The following CNTNAP5 variants were observed in gnomAD, a reference collection of about 807,000 sequenced individuals.
CNTNAP5 encodes contactin associated protein family member 5.
CNTNAP5 carries 72 observed loss-of-function variants against 150.2 expected under a neutral mutation model. That is an observed-to-expected ratio of 0.48 (90% CI 0.40 to 0.58). The LOEUF (loss-of-function observed/expected upper bound fraction) is 0.58, where lower values mean the gene tolerates loss of function less well. Ranked by LOEUF, CNTNAP5 falls within the 20% of genes least tolerant of loss-of-function variation. The pLI, the probability that CNTNAP5 is intolerant of heterozygous loss-of-function variation, is 0.00. For synonymous variants in CNTNAP5, 672 were observed against 619.8 expected (o/e 1.08, Z -1.25); for missense variants, 1,636 against 1,626.2 (o/e 1.01, Z -0.10).
chr2:124,547,424 C>T (rs897881700), intron 10 of CNTNAP5, among the ~76,000 whole-genome samples: 18 of 152,098 alleles, frequency 1.2e-4, no homozygotes, highest in Non-Finnish European at 1.9e-4. Context: ...AATTCTTTCC[C>T]GGGATAGAAC....
chr2:124,622,711 C>A (rs1054185636), intron 12 of CNTNAP5, among the ~76,000 whole-genome samples: 3 of 151,940 alleles, frequency 2.0e-5, no homozygotes, highest in African/African-American at 7.3e-5. Context: ...CTTTCAAAAC[C>A]CACACACACT....
At chr2:124,312,840 G>A (rs888773566) in intron 3 of CNTNAP5, among the ~76,000 whole-genome samples, 8 of 152,210 alleles carry the variant, frequency 5.3e-5, no homozygotes, top group Non-Finnish European at 8.8e-5. Context: ...AAAGTGCTGG[G>A]ATTACAGGCG....
intron 3 of CNTNAP5, among the ~76,000 whole-genome samples, chr2:124,256,306 A>G (rs1687313117): frequency 6.6e-6 from 1 of 152,192 alleles, no homozygotes; most frequent in Non-Finnish European, 1.5e-5. Flanking sequence ...GTACCTTTGA[A>G]GTATGTGTGA....
At chr2:124,100,998 T>A (rs1363540092) in intron 1 of CNTNAP5, among the ~76,000 whole-genome samples, 1 of 151,934 alleles carries the variant, frequency 6.6e-6, no homozygotes, top group Non-Finnish European at 1.5e-5. Context: ...GAAAAAAGGA[T>A]CAGCTTTGGG....
chr2:124,747,466 T>C, intron 14 of CNTNAP5, 81 bp downstream of exon 14: 2 of 1,517,738 alleles, frequency 1.3e-6, no homozygotes, highest in South Asian at 1.1e-5. Flanking sequence ...CAGAAGGACA[T>C]GGATGAGAAA....
At chr2:124,278,148 C>T (rs1687929855) in intron 3 of CNTNAP5, among the ~76,000 whole-genome samples, 2 of 152,214 alleles carry the variant, frequency 1.3e-5, no homozygotes, top group South Asian at 4.2e-4. Context: ...GGATAATAAG[C>T]TCATTGGAGT....
intron 13 of CNTNAP5, among the ~76,000 whole-genome samples, chr2:124,707,322 T>C (rs1036503105): frequency 1.3e-5 from 2 of 152,178 alleles, no homozygotes; most frequent in Non-Finnish European, 2.9e-5. Context: ...GCATGGACTT[T>C]GATTCCTTCA....
At chr2:124,676,499 G>A (rs556253326) in intron 13 of CNTNAP5, among the ~76,000 whole-genome samples, 29 of 152,192 alleles carry the variant, frequency 1.9e-4, no homozygotes, top group Non-Finnish European at 3.7e-4. Context: ...AATTGTCACT[G>A]AAAGATTTCA....
chr2:124,095,071 A>G (rs1035683859), intron 1 of CNTNAP5, among the ~76,000 whole-genome samples: 2 of 152,198 alleles, frequency 1.3e-5, no homozygotes, highest in Non-Finnish European at 2.9e-5. Flanking sequence ...CACTAGTACA[A>G]TAGCAAAGAC....
intron 1 of CNTNAP5, among the ~76,000 whole-genome samples, chr2:124,206,433 G>A (rs7424259): frequency 0.46 from 69,921 of 152,058 alleles, 16,311 homozygotes; most frequent in East Asian, 0.6. Flanking sequence ...AACATAATGC[G>A]TGTATGAATA....
intron 1 of CNTNAP5, among the ~76,000 whole-genome samples, chr2:124,210,525 T>C (rs1685977734): frequency 6.6e-6 from 1 of 152,180 alleles, no homozygotes; most frequent in African/African-American, 2.4e-5. Flanking sequence ...CAATTGTCAT[T>C]GTTTTAGTTC....
At chr2:124,833,774 C>T (rs1682768337) in intron 19 of CNTNAP5, among the ~76,000 whole-genome samples, 1 of 108,012 alleles carries the variant, frequency 9.3e-6, no homozygotes, top group Admixed American at 9.2e-5. Context: ...GAGGCACAAT[C>T]ATTAACTTCA....
intron 3 of CNTNAP5, among the ~76,000 whole-genome samples, chr2:124,353,286 C>CAAAAAAAAAAAAAAAAA (rs565907115): frequency 3.4e-5 from 3 of 88,262 alleles, no homozygotes; most frequent in Non-Finnish European, 4.3e-5. Context: ...AAAAACAGAC[C>CAAAAAAAAAAAAAAAAA]AAAAAAAAAA....
At chr2:124,316,313 C>T (rs1426608814) in intron 3 of CNTNAP5, among the ~76,000 whole-genome samples, 1 of 152,116 alleles carries the variant, frequency 6.6e-6, no homozygotes, top group Non-Finnish European at 1.5e-5. Context: ...AATATGATTC[C>T]AAGCGAAACC....
At chr2:124,176,938 G>A (rs557749633) in intron 1 of CNTNAP5, among the ~76,000 whole-genome samples, 1 of 147,972 alleles carries the variant, frequency 6.8e-6, no homozygotes, top group Non-Finnish European at 1.5e-5. Context: ...TCTGCCTCCT[G>A]GGTTCAAGCA....
intron 11 of CNTNAP5, among the ~76,000 whole-genome samples, chr2:124,581,176 A>G (rs982880089): frequency 3.3e-5 from 5 of 152,208 alleles, no homozygotes; most frequent in African/African-American, 1.2e-4. Context: ...ACCCTTGGAG[A>G]GAGAATATCC....
chr2:124,228,278 T>C (rs1686518194), intron 2 of CNTNAP5, among the ~76,000 whole-genome samples: 1 of 152,178 alleles, frequency 6.6e-6, no homozygotes, highest in Admixed American at 6.5e-5. Context: ...GCCTTTTTGT[T>C]CTATCTGGTC....
intron 13 of CNTNAP5, among the ~76,000 whole-genome samples, chr2:124,671,357 TG>T (rs955345660): frequency 3.9e-5 from 6 of 152,232 alleles, no homozygotes; most frequent in Non-Finnish European, 7.3e-5. Context: ...TCTACATTTT[TG>T]CTCCTGAGCT....
rs72962809 is a variant in CNTNAP5, at chr2:124,207,932, A to G, written c.83-13773A>G. On this transcript the variant is annotated intron_variant, in intron 1 of 23. Coordinates refer to ENST00000682447, the MANE Select transcript of CNTNAP5 (RefSeq NM_001367498.1). ...ACCTGGACATGTCCATATAACATTT[A>G]TAGCATTTTATGTCTTCATAGCTAC... is the stretch of plus-strand genomic sequence containing the variant. Among the ~76,000 whole-genome samples, 217 of 152,338 alleles carry G rather than the reference A, an allele frequency of 1.4e-3. 1 individual carries two copies. The highest frequency in any genetic ancestry group is 4.9e-3 in the African/African-American group (202 of 41,584).
Sources: gnomAD v4.1 joint callset for allele counts (sites outside exome capture counted in the v4.1 genomes callset) on GRCh38, gnomAD v4.1.1 for gene constraint, MANE v1.5 for transcripts, NCBI Gene and HGNC (gene_info 2026-07-23, HGNC 2026-07-21) for gene names.